EPHA4: variants seen among roughly 807,000 people sequenced by gnomAD.
The protein encoded by EPHA4 is EPH receptor A4, also known as ephrin type-A receptor 4.
EPHA4 carries 19 observed loss-of-function variants against 108.3 expected under a neutral mutation model. The observed-to-expected ratio is 0.18, with a 90% CI of 0.12 to 0.26. The LOEUF is 0.26. Among genes scored for constraint, EPHA4 ranks in the 10% least tolerant of loss-of-function variants. The probability of loss-of-function intolerance (pLI) is 1.00; values close to 1 mark genes in which losing one functional copy is unlikely to be tolerated. For missense variants in EPHA4, 917 were observed against 1,254.0 expected (o/e 0.73, Z 4.06); for synonymous variants, 449 against 455.5 (o/e 0.99, Z 0.18).
At chr2:221,465,899 A>G (rs1691295190) in intron 5 of EPHA4, among the ~76,000 whole-genome samples, 1 of 152,226 alleles carries the variant, frequency 6.6e-6, no homozygotes, top group African/African-American at 2.4e-5. Context: ...AGGTATTTGC[A>G]TATCACAACT....
chr2:221,458,489 A>C (rs914550930), intron 5 of EPHA4, among the ~76,000 whole-genome samples: 3 of 152,210 alleles, frequency 2.0e-5, no homozygotes, highest in Non-Finnish European at 4.4e-5. Context: ...AACAATTTAC[A>C]TACTTTCCAA....
chr2:221,446,922 G>A (rs148851619), intron 8 of EPHA4, among the ~76,000 whole-genome samples: 2 of 152,172 alleles, frequency 1.3e-5, no homozygotes, highest in African/African-American at 4.8e-5. Flanking sequence ...CTGGCATTCT[G>A]CTCCTACAAC....
intron 3 of EPHA4, among the ~76,000 whole-genome samples, chr2:221,548,012 T>A (rs1694048892): frequency 6.6e-6 from 1 of 152,182 alleles, no homozygotes; most frequent in African/African-American, 2.4e-5. Context: ...TTGAGTGATA[T>A]AGTTTGGATG....
At chr2:221,486,399 C>T (rs767757916) in intron 4 of EPHA4, among the ~76,000 whole-genome samples, 16 of 152,022 alleles carry the variant, frequency 1.1e-4, no homozygotes, top group Non-Finnish European at 2.1e-4. Context: ...GACACCATTC[C>T]ATGTCTGTTT....
At chr2:221,559,836 T>C (rs187551443) in intron 3 of EPHA4, among the ~76,000 whole-genome samples, 1 of 152,344 alleles carries the variant, frequency 6.6e-6, no homozygotes, top group Admixed American at 6.5e-5. Flanking sequence ...CGATACATTC[T>C]CCTTGAGAAG....
intron 17 of EPHA4, among the ~76,000 whole-genome samples, chr2:221,423,219 G>T (rs1689806778): frequency 6.6e-6 from 1 of 152,192 alleles, no homozygotes; most frequent in African/African-American, 2.4e-5. Flanking sequence ...TATTATTAAG[G>T]TATCATTATC....
chr2:221,530,402 T>G (rs1380121078), intron 3 of EPHA4, among the ~76,000 whole-genome samples: 1 of 152,232 alleles, frequency 6.6e-6, no homozygotes, highest in East Asian at 1.9e-4. Context: ...ATTATAGAGA[T>G]GGCAGTTACC....
At chr2:221,475,736 T>A (rs1691634154) in intron 5 of EPHA4, among the ~76,000 whole-genome samples, 1 of 152,256 alleles carries the variant, frequency 6.6e-6, no homozygotes, top group Non-Finnish European at 1.5e-5. Context: ...ATGCCAATAC[T>A]TGAATTTTAT....
intron 14 of EPHA4, among the ~76,000 whole-genome samples, chr2:221,432,847 C>T (rs1350488235): frequency 1.8e-5 from 2 of 112,234 alleles, no homozygotes; most frequent in Non-Finnish European, 3.5e-5. Flanking sequence ...TTTTTTGAGA[C>T]GGAGTCTTAC....
chr2:221,446,153 C>G lies in EPHA4; in HGVS notation c.1744G>C (p.Glu582Gln). Residue 582 changes from glutamate to glutamine, a missense_variant, in exon 9 of 18, where the codon GAA (glutamate) becomes CAA (glutamine). Glu to Gln is a conservative substitution (Grantham distance 29, BLOSUM62 2). This residue lies in a region of EPHA4 where 758 missense variants were observed against 1,076.7 expected (regional missense o/e 0.70). Coordinates refer to ENST00000281821, the MANE Select transcript of EPHA4 (RefSeq NM_004438.5). Reference protein sequence around the residue: ...RRSKYSKAKQEADEEKHLNQG... With the variant: ...RRSKYSKAKQQADEEKHLNQG... The stretch of plus-strand genomic sequence containing the variant: ...TTCAAATGTTTCTCTTCATCCGCTT[C>G]TTGTTTGGCTTTACTGTATTTACTC... 6.4e-7 allele frequency: 1 copy of G among 1,553,304 alleles called. No individual in the cohort carries two copies. The highest frequency in any genetic ancestry group is 8.7e-7 in the Non-Finnish European group (1 of 1,152,832).
At chr2:221,518,541 A>G (rs1693056052) in intron 3 of EPHA4, among the ~76,000 whole-genome samples, 1 of 152,206 alleles carries the variant, frequency 6.6e-6, no homozygotes, top group South Asian at 2.1e-4. Flanking sequence ...TATGTAGACT[A>G]AGTATACGAA....
At chr2:221,447,439 C>G (rs1690627494) in intron 8 of EPHA4, among the ~76,000 whole-genome samples, 1 of 152,118 alleles carries the variant, frequency 6.6e-6, no homozygotes, top group Non-Finnish European at 1.5e-5. Context: ...GAGAGAATAA[C>G]AGAGAACCTA....
At chr2:221,430,492 G>A (rs1244133569) in intron 14 of EPHA4, among the ~76,000 whole-genome samples, 4 of 143,914 alleles carry the variant, frequency 2.8e-5, no homozygotes, top group African/African-American at 5.2e-5. Flanking sequence ...CCCCTGCCCC[G>A]CTCCATTCTG....
intron 4 of EPHA4, among the ~76,000 whole-genome samples, chr2:221,494,173 T>G (rs1178839632): frequency 6.6e-6 from 1 of 152,200 alleles, no homozygotes; most frequent in East Asian, 1.9e-4. Context: ...GAAAAACTAC[T>G]CTGGTAACAG....
At position 221,457,851 on chromosome 2, in the gene EPHA4, TC is replaced by T; in HGVS notation, c.1443+14del. The T allele has an allele frequency of 6.2e-7, 1 of 1,611,272 alleles. No individual in the cohort carries two copies. Among genetic ancestry groups the T allele is most frequent in the Non-Finnish European group, 8.5e-7 (1 of 1,178,540 alleles). On this transcript the variant is annotated intron_variant, in intron 6 of 17. Transcript: ENST00000281821. ...AAGGAAGAAAGGAAAGGAGTGTTGT[TC>T]ACTCAAGTAATACCTTCTCATAATA...
intron 3 of EPHA4, among the ~76,000 whole-genome samples, chr2:221,505,658 T>C (rs1692607319): frequency 6.6e-6 from 1 of 152,176 alleles, no homozygotes; most frequent in Admixed American, 6.6e-5. Flanking sequence ...ACTGAAACAC[T>C]TAAAATTATC....
intron 8 of EPHA4, among the ~76,000 whole-genome samples, chr2:221,447,019 T>C (rs973503081): frequency 6.6e-6 from 1 of 152,188 alleles, no homozygotes; most frequent in Non-Finnish European, 1.5e-5. Flanking sequence ...GAAATGTATA[T>C]ATCTCTCTTA....
At chr2:221,450,802 G>T (rs1004594191) in intron 8 of EPHA4, among the ~76,000 whole-genome samples, 1 of 152,160 alleles carries the variant, frequency 6.6e-6, no homozygotes, top group Non-Finnish European at 1.5e-5. Flanking sequence ...TATAAAAACA[G>T]CATGTGCCTG....
At chr2:221,569,387 C>T (rs1480337730) in intron 1 of EPHA4, 1 of 150,834 alleles carries the variant, frequency 6.6e-6, no homozygotes, top group Non-Finnish European at 1.5e-5. Context: ...AATCAGAATG[C>T]AAACGTACCG....
Sources: gnomAD v4.1 joint callset for allele counts (sites outside exome capture counted in the v4.1 genomes callset) on GRCh38, gnomAD v4.1.1 for gene constraint, gnomAD v4.1.1 regional missense constraint, MANE v1.5 for transcripts, NCBI Gene and HGNC (gene_info 2026-07-23, HGNC 2026-07-21) for gene names.